Variants in PKIB observed in about 807,000 individuals in gnomAD.
PKIB encodes the protein PKI-beta.
In PKIB, 2 loss-of-function variants were observed where a neutral mutation model predicts 4.5. The ratio of observed to expected loss-of-function variants is 0.44; its 90% CI spans 0.18 to 1.39. The LOEUF is 1.39. PKIB is among the 40% of genes most tolerant of loss of function. The pLI is 0.27. For synonymous variants in PKIB, 38 were observed against 36.0 expected (o/e 1.06, Z -0.20); for missense variants, 94 against 92.6 (o/e 1.02, Z -0.06).
At chr6:122,489,898 G>A (rs1775889054) in intron 2 of PKIB, among the ~76,000 whole-genome samples, 1 of 152,144 alleles carries the variant, frequency 6.6e-6, no homozygotes, top group South Asian at 2.1e-4. Context: ...TTTTGCAAGT[G>A]CTTTTTGAGA....
intron 2 of PKIB, among the ~76,000 whole-genome samples, chr6:122,514,004 C>T (rs1424802727): frequency 1.3e-5 from 2 of 152,308 alleles, no homozygotes; most frequent in African/African-American, 2.4e-5. Context: ...AGCATCTGCT[C>T]ATCCTTGGTG....
intron 3 of PKIB, among the ~76,000 whole-genome samples, chr6:122,712,240 T>C (rs1779297392): frequency 6.6e-6 from 1 of 152,166 alleles, no homozygotes; most frequent in Admixed American, 6.5e-5. Flanking sequence ...AGACTCTGGG[T>C]TCCTCTTTGT....
chr6:122,610,365 G>GT (rs1391110033), upstream of PKIB: 1 of 152,328 alleles, frequency 6.6e-6, no homozygotes, highest in East Asian at 1.9e-4. Flanking sequence ...CCGCCCCCGA[G>GT]TAGCTGCCAC....
At chr6:122,592,476 C>T (rs769679287) in intron 3 of PKIB, among the ~76,000 whole-genome samples, 9 of 152,112 alleles carry the variant, frequency 5.9e-5, no homozygotes, top group East Asian at 1.9e-4. Context: ...TTTTAAATAT[C>T]GTCTAGCAAT....
intron 3 of PKIB, among the ~76,000 whole-genome samples, chr6:122,591,194 C>T (rs1054368106): frequency 6.9e-6 from 1 of 144,854 alleles, no homozygotes; most frequent in African/African-American, 2.6e-5. Flanking sequence ...TCCTATCTCT[C>T]GACACACACA....
At chr6:122,607,548 A>G (rs1562267830), upstream of PKIB, among the ~76,000 whole-genome samples, 1 of 152,068 alleles carries the variant, frequency 6.6e-6, no homozygotes, top group African/African-American at 2.4e-5. Flanking sequence ...TCCCTGCTCA[A>G]CTGAACAGGT....
At chr6:122,596,427 C>G (rs544840180) in intron 3 of PKIB, among the ~76,000 whole-genome samples, 1 of 152,198 alleles carries the variant, frequency 6.6e-6, no homozygotes, top group Non-Finnish European at 1.5e-5. Context: ...CCTTCAGGAC[C>G]TGCCCAAGCC....
intron 2 of PKIB, among the ~76,000 whole-genome samples, chr6:122,517,834 A>G (rs2114593478): frequency 6.6e-6 from 1 of 152,266 alleles, no homozygotes; most frequent in Non-Finnish European, 1.5e-5. Flanking sequence ...TACATGTGAT[A>G]TTAACATCAT....
intron 2 of PKIB, among the ~76,000 whole-genome samples, chr6:122,554,443 C>G (rs1772779149): frequency 6.6e-6 from 1 of 152,178 alleles, no homozygotes; most frequent in South Asian, 2.1e-4. Context: ...TGCAATGCCT[C>G]TCTAAATGTT....
At chr6:122,540,597 C>G (rs1248123078) in intron 2 of PKIB, among the ~76,000 whole-genome samples, 2 of 151,756 alleles carry the variant, frequency 1.3e-5, no homozygotes, top group Non-Finnish European at 2.9e-5. Flanking sequence ...TGCTTTACTT[C>G]CAACTATGTG....
At chr6:122,650,533 A>G (rs1023513179) in intron 2 of PKIB, among the ~76,000 whole-genome samples, 3 of 152,198 alleles carry the variant, frequency 2.0e-5, no homozygotes, top group African/African-American at 7.2e-5. Context: ...AAGTTAGACT[A>G]TTCTGATTAC....
chr6:122,710,467 T>C (rs1406207741), intron 3 of PKIB, among the ~76,000 whole-genome samples: 1 of 152,168 alleles, frequency 6.6e-6, no homozygotes, highest in Admixed American at 6.6e-5. Context: ...TTGGAGTGTA[T>C]TTGTGCCCCC....
At chr6:122,544,889 T>G (rs935401986) in intron 2 of PKIB, among the ~76,000 whole-genome samples, 1 of 151,900 alleles carries the variant, frequency 6.6e-6, no homozygotes. Context: ...ATTTGAAAAA[T>G]ATTCAATATC....
intron 2 of PKIB, among the ~76,000 whole-genome samples, chr6:122,524,079 G>C (rs1777025304): frequency 6.6e-6 from 1 of 151,972 alleles, no homozygotes; most frequent in Admixed American, 6.6e-5. Flanking sequence ...CAGGGATATT[G>C]ATCTATAGAT....
chr6:122,576,707 TATA>T (rs1489064275), intron 2 of PKIB, among the ~76,000 whole-genome samples: 7 of 116,218 alleles, frequency 6.0e-5, no homozygotes, highest in African/African-American at 1.0e-4. Context: ...TATATATATA[TATA>T]TTTTCTTTTG....
At chr6:122,562,081 G>GT (rs1177523499) in intron 2 of PKIB, among the ~76,000 whole-genome samples, 1 of 131,142 alleles carries the variant, frequency 7.6e-6, no homozygotes, top group African/African-American at 2.9e-5. Flanking sequence ...AAGAGGTTCT[G>GT]TTTTGATGTG....
intron 2 of PKIB, among the ~76,000 whole-genome samples, chr6:122,487,716 T>G (rs1336699571): frequency 6.6e-6 from 1 of 152,202 alleles, no homozygotes; most frequent in African/African-American, 2.4e-5. Context: ...ATTAACACTT[T>G]GATCATAGAC....
At chr6:122,636,103 AT>A (rs1282903497) in intron 2 of PKIB, among the ~76,000 whole-genome samples, 3 of 152,104 alleles carry the variant, frequency 2.0e-5, no homozygotes, top group Non-Finnish European at 4.4e-5. Flanking sequence ...CTATCATTCT[AT>A]TTTACAAATT....
chr6:122,573,812 A>T (rs1773445058), intron 2 of PKIB, among the ~76,000 whole-genome samples: 2 of 152,232 alleles, frequency 1.3e-5, no homozygotes, highest in Admixed American at 1.3e-4. Context: ...AACAGCCAAC[A>T]TCATACTGAA....
Sources: gnomAD v4.1 joint callset for allele counts (sites outside exome capture counted in the v4.1 genomes callset) on GRCh38, gnomAD v4.1.1 for gene constraint, MANE v1.5 for transcripts, NCBI Gene and HGNC (gene_info 2026-07-23, HGNC 2026-07-21) for gene names.